ATL1: variants seen among roughly 807,000 people sequenced by gnomAD.
ATL1 encodes atlastin-1.
A neutral mutation model predicts 75.5 loss-of-function variants in ATL1; 31 were observed. That is an observed-to-expected ratio of 0.41 (90% confidence interval 0.31 to 0.55). The LOEUF (loss-of-function observed/expected upper bound fraction) is 0.55, where lower values mean the gene tolerates loss of function less well. Ranked by LOEUF, ATL1 falls within the 20% of genes least tolerant of loss-of-function variation. The pLI is 0.27. For synonymous variants in ATL1, 226 were observed against 233.3 expected (o/e 0.97, Z 0.28); for missense variants, 405 against 662.6 (o/e 0.61, Z 4.27).
intron 4 of ATL1, among the ~76,000 whole-genome samples, chr14:50,591,992 TTATAAA>T (rs1452401888): frequency 1.3e-5 from 2 of 152,232 alleles, no homozygotes; most frequent in Non-Finnish European, 2.9e-5. Flanking sequence ...GAAACAGTGT[TTATAAA>T]TATAAATTTT....
At chr14:50,587,759 G>A in intron 1 of ATL1, 72 bp from the exon 2 acceptor site, 4 of 1,597,640 alleles carry the variant, frequency 2.5e-6, no homozygotes, top group South Asian at 1.1e-5. Flanking sequence ...ATGTTTGAGA[G>A]TTAAGAGGTA....
intron 1 of ATL1, chr14:50,560,916 G>A (rs1032052927): frequency 1.3e-5 from 2 of 153,004 alleles, no homozygotes; most frequent in African/African-American, 4.8e-5. Flanking sequence ...CTCTTAATTT[G>A]GGGGTTGGGT....
chr14:50,626,370 G>A (rs932420810), intron 11 of ATL1, among the ~76,000 whole-genome samples: 4 of 152,036 alleles, frequency 2.6e-5, no homozygotes, highest in African/African-American at 9.6e-5. Context: ...TGTGGAAAAA[G>A]TTGATACCAA....
rs1358919535 is a variant in ATL1 at position 50,591,094 on chromosome 14, A to G, written c.417+19A>G. The G allele has an allele frequency of 6.2e-7, 1 of 1,610,594 alleles. No homozygotes were observed. Among genetic ancestry groups the G allele is most frequent in the South Asian group, 1.1e-5 (1 of 90,892 alleles). ...TAAAAAGGTATGATGCTAACTTCCT[A>G]AATAAAATTGAGTTTTCACTTATAA... On this transcript the variant is annotated intron_variant, in intron 3 of 13. Transcript: ENST00000358385.
intron 1 of ATL1, among the ~76,000 whole-genome samples, chr14:50,537,154 G>A (rs1384837387): frequency 6.6e-6 from 1 of 152,214 alleles, no homozygotes; most frequent in Admixed American, 6.5e-5. Context: ...GTGCAGCCTA[G>A]AGACTTGGTG....
At chr14:50,597,685 G>A (rs2039233222) in intron 6 of ATL1, among the ~76,000 whole-genome samples, 1 of 152,026 alleles carries the variant, frequency 6.6e-6, no homozygotes, top group Non-Finnish European at 1.5e-5. Flanking sequence ...ATTTTAAAAG[G>A]TCAATAGTGT....
chr14:50,591,963 A>G (rs1333035705), intron 4 of ATL1: 1 of 232,518 alleles, frequency 4.3e-6, no homozygotes, highest in African/African-American at 2.3e-5. Flanking sequence ...GAGACCATCT[A>G]TTGTAAGTTA....
chr14:50,582,358 T>A (rs1216755888), intron 1 of ATL1, among the ~76,000 whole-genome samples: 2 of 151,906 alleles, frequency 1.3e-5, no homozygotes, highest in African/African-American at 4.8e-5. Context: ...AGGTGAGTTC[T>A]ATCAAAATTT....
chr14:50,599,725 A>G (rs1156653382), intron 6 of ATL1, among the ~76,000 whole-genome samples: 1 of 152,206 alleles, frequency 6.6e-6, no homozygotes, highest in African/African-American at 2.4e-5. Flanking sequence ...GAGATTTATA[A>G]CATGATACTA....
chr14:50,546,183 A>G lies in ATL1; in HGVS notation c.-140+12816A>G, dbSNP rs78412128. ...TTTTTTAAAAAATCAAACTGCTATGAAAACTACTTTACCCCAAATTTTTGT... is the reference window on the plus strand; with the variant it reads ...TTTTTTAAAAAATCAAACTGCTATGGAAACTACTTTACCCCAAATTTTTGT... On this transcript the variant is annotated intron_variant, in intron 1 of 13. Transcript: ENST00000441560. 9.0e-3 allele frequency among the ~76,000 whole-genome samples: 1,371 copies of G among 152,330 alleles called. 19 individuals carry two copies. The highest frequency in any genetic ancestry group is 0.031 in the African/African-American group (1,271 of 41,572).
chr14:50,589,162 T>C (rs1358741353), intron 2 of ATL1, among the ~76,000 whole-genome samples: 1 of 148,226 alleles, frequency 6.7e-6, no homozygotes, highest in Non-Finnish European at 1.5e-5. Context: ...TTTCTTTTTT[T>C]TTTTTTTTTT....
intron 6 of ATL1, among the ~76,000 whole-genome samples, chr14:50,598,936 A>G (rs2140213308): frequency 6.6e-6 from 1 of 152,362 alleles, no homozygotes. Flanking sequence ...CTGTAATAGA[A>G]GTAATCTCCA....
chr14:50,585,364 C>T (rs1035686562), intron 1 of ATL1, among the ~76,000 whole-genome samples: 2 of 152,178 alleles, frequency 1.3e-5, no homozygotes, highest in African/African-American at 4.8e-5. Flanking sequence ...ATCTAGTTTT[C>T]TGCCCCAAAG....
At position 50,560,777 on chromosome 14, in the gene ATL1, C is replaced by CGGCGGCG. The variant is rs1046248862; in HGVS notation, c.34+493_34+499dup. Among the ~76,000 whole-genome samples, 10 of 152,272 alleles carry CGGCGGCG rather than the reference C, an allele frequency of 6.6e-5. No homozygotes were observed. The South Asian group carries it at 8.3e-4, about 13-fold the overall frequency. On this transcript the variant is annotated intron_variant, in intron 1 of 13. Coordinates refer to ENST00000358385, the MANE Select transcript of ATL1 (RefSeq NM_015915.5). ...GCTGGCTCTGCAGGGCGCGGGCTCC[C>CGGCGGCG]GGCGGCGGGCGGCGGGCGGCGCGCT...
chr14:50,604,579 T>C (rs1240907967), intron 6 of ATL1, among the ~76,000 whole-genome samples: 1 of 152,132 alleles, frequency 6.6e-6, no homozygotes, highest in Non-Finnish European at 1.5e-5. Context: ...GTATTGTCTC[T>C]TTATACTTTT....
At chr14:50,619,436 C>G (rs1246393536) in intron 8 of ATL1, among the ~76,000 whole-genome samples, 1 of 152,122 alleles carries the variant, frequency 6.6e-6, no homozygotes, top group Non-Finnish European at 1.5e-5. Flanking sequence ...CTCCTGACCT[C>G]AAATGATCCA....
chr14:50,572,099 G>T, intron 1 of ATL1: 1 of 496,228 alleles, frequency 2.0e-6, no homozygotes, highest in Non-Finnish European at 3.9e-6. Context: ...ATAACTTCTT[G>T]TCCATAAATT....
intron 1 of ATL1, chr14:50,542,497 A>T (rs1272350438): frequency 6.6e-6 from 1 of 152,222 alleles, no homozygotes; most frequent in Non-Finnish European, 1.5e-5. Context: ...ATTGGATGTT[A>T]CCTAATTTAC....
At chr14:50,630,852 A>G (rs2039572851) in intron 13 of ATL1, 2 of 385,746 alleles carry the variant, frequency 5.2e-6, no homozygotes, top group Admixed American at 3.5e-5. Flanking sequence ...AAAATATAAG[A>G]GAATTAGAAT....
Sources: gnomAD v4.1 joint callset for allele counts (sites outside exome capture counted in the v4.1 genomes callset) on GRCh38, gnomAD v4.1.1 for gene constraint, MANE v1.5 for transcripts, NCBI Gene and HGNC (gene_info 2026-07-23, HGNC 2026-07-21) for gene names.